The following GSPT1 variants were observed in gnomAD, a reference collection of about 807,000 sequenced individuals.
The protein encoded by GSPT1 is eukaryotic peptide chain release factor GTP-binding subunit ERF3A.
GSPT1 carries 20 observed loss-of-function variants against 72.5 expected under a neutral mutation model. The observed-to-expected ratio is 0.28, with a 90% CI of 0.19 to 0.40. The LOEUF (loss-of-function observed/expected upper bound fraction) is 0.40, where lower values mean the gene tolerates loss of function less well. Among genes scored for constraint, GSPT1 ranks in the 10% least tolerant of loss-of-function variants. GSPT1 has a pLI of 1.00. For synonymous variants in GSPT1, 334 were observed against 293.5 expected, an observed-to-expected ratio of 1.14 and a Z score of -1.41; for missense variants, 580 against 811.9, an observed-to-expected ratio of 0.71 and a Z score of 3.47.
At chr16:11,898,420 C>A (rs1199298091) in intron 1 of GSPT1, among the ~76,000 whole-genome samples, 1 of 151,582 alleles carries the variant, frequency 6.6e-6, no homozygotes, top group East Asian at 1.9e-4. Flanking sequence ...GTAACCCAGC[C>A]CAAGAAAGCT....
chr16:11,916,171 C>G, upstream of GSPT1: 1 of 364,244 alleles, frequency 2.7e-6, no homozygotes, highest in South Asian at 1.9e-5. Context: ...CGACGGGAGT[C>G]GAAGTTCAGG....
intron 3 of GSPT1, 42 bp downstream of exon 3, chr16:11,897,798 A>G: frequency 1.0e-6 from 1 of 956,970 alleles, no homozygotes; most frequent in Non-Finnish European, 1.7e-6. Flanking sequence ...AGAGTGAAAG[A>G]GTTTCATATT....
At chr16:11,880,561 A>G (rs1172763789) in intron 11 of GSPT1, among the ~76,000 whole-genome samples, 1 of 152,224 alleles carries the variant, frequency 6.6e-6, no homozygotes, top group East Asian at 1.9e-4. Context: ...TCAAAACTCA[A>G]GTGATCCTCC....
At chr16:11,910,811 G>C (rs1013836059) in intron 1 of GSPT1, among the ~76,000 whole-genome samples, 1 of 152,192 alleles carries the variant, frequency 6.6e-6, no homozygotes, top group Non-Finnish European at 1.5e-5. Context: ...ACAGCACTAC[G>C]TAATACCTGC....
intron 8 of GSPT1, 76 bp from the exon 9 acceptor site, chr16:11,886,687 A>G: frequency 6.5e-7 from 1 of 1,542,986 alleles, no homozygotes; most frequent in Non-Finnish European, 8.9e-7. Context: ...TAAACAGATT[A>G]AGGTTTAGAA....
chr16:11,915,576 A>C lies in GSPT1; in HGVS notation c.145T>G (p.Ser49Ala). The C allele has an allele frequency of 6.7e-7, 1 of 1,486,702 alleles. No individual in the cohort carries two copies. Among genetic ancestry groups the C allele is most frequent in the African/African-American group, 1.5e-5 (1 of 67,646 alleles). The allele number at this position is 1,486,702 out of a possible 1,614,324, so 92.1% of individuals were successfully genotyped here. Residue 49 changes from serine (S) to alanine (A), a missense_variant, in exon 1 of 15, where the codon TCC becomes GCC. Coordinates refer to ENST00000434724, the MANE Select transcript of GSPT1 (RefSeq NM_002094.4). ...TGGGCCTCGGCCGCCGCCGCCAGGGAGCCGCCGCCGCCGCAAGGGCCCGGC... is the reference window on the plus strand; with the variant it reads ...TGGGCCTCGGCCGCCGCCGCCAGGGCGCCGCCGCCGCCGCAAGGGCCCGGC... ...PGPGPCGGGGSLAAAAEAQRE... is the reference protein window; with the variant it reads ...PGPGPCGGGGALAAAAEAQRE...
At chr16:11,878,397 G>A (rs150454286) in intron 11 of GSPT1, among the ~76,000 whole-genome samples, 4 of 152,192 alleles carry the variant, frequency 2.6e-5, no homozygotes, top group East Asian at 1.9e-4. Context: ...GATTACAGGC[G>A]TGAGCCACTG....
chr16:11,898,476 A>C, intron 1 of GSPT1, among the ~76,000 whole-genome samples: 5 of 109,644 alleles, frequency 4.6e-5, no homozygotes, highest in Non-Finnish European at 7.0e-5. Context: ...ACTGAGTTTC[A>C]CTCTTGTTGC....
At chr16:11,916,142 C>T, upstream of GSPT1, 2 of 378,020 alleles carry the variant, frequency 5.3e-6, no homozygotes, top group Non-Finnish European at 5.1e-6. Flanking sequence ...CGCTACCCCG[C>T]TGCGGTTTTC....
At chr16:11,897,907 T>C (rs2054360080) in intron 2 of GSPT1, 26 bp from the exon 3 acceptor site, 1 of 1,494,528 alleles carries the variant, frequency 6.7e-7, no homozygotes, top group Non-Finnish European at 9.2e-7. Flanking sequence ...AAATATAATA[T>C]ATATTTACCA....
intron 1 of GSPT1, among the ~76,000 whole-genome samples, chr16:11,912,394 G>C (rs1180839927): frequency 1.3e-5 from 2 of 149,768 alleles, no homozygotes; most frequent in Non-Finnish European, 3.0e-5. Context: ...CAATAAATAA[G>C]GCATTCAGCA....
rs1455572398 is a variant in GSPT1, at chr16:11,885,170, A to G, written c.1347+11T>C. On this transcript the variant is annotated intron_variant, in intron 10 of 14. Coordinates refer to ENST00000434724, the MANE Select transcript of GSPT1 (RefSeq NM_002094.4). ...TCCCAGGAAACCCAATTTCTTTAAC[A>G]TTTTGGGTACCTTGTACTTATCCAC... 1 of 1,371,984 alleles carries G rather than the reference A, an allele frequency of 7.3e-7. No individual in the cohort carries two copies. The highest frequency in any genetic ancestry group is 1.0e-6 in the Non-Finnish European group (1 of 960,230). The allele number at this position is 1,371,984 out of a possible 1,614,324, so 85.0% of individuals were successfully genotyped here.
chr16:11,889,302 G>A (rs941061215), intron 6 of GSPT1, among the ~76,000 whole-genome samples: 2 of 148,362 alleles, frequency 1.3e-5, no homozygotes, highest in Non-Finnish European at 3.0e-5. Flanking sequence ...AGCCTAGGTC[G>A]TGCCCGGCAC....
In GSPT1 at chr16:11,896,705, C is replaced by T; in HGVS notation, c.517G>A (p.Gly173Ser). The T allele has an allele frequency of 6.2e-7, 1 of 1,607,514 alleles. No individual in the cohort carries two copies. Among genetic ancestry groups the T allele is most frequent in the Admixed American group, 1.7e-5 (1 of 58,924 alleles). Residue 173 changes from glycine (G) to serine (S), a missense_variant, in exon 4 of 15, where the codon GGT (glycine) becomes AGT (serine). Gly to Ser is a moderately conservative substitution (Grantham distance 56). This residue lies in a region of GSPT1 where 327 missense variants were observed against 298.8 expected (regional missense o/e 1.09). Transcript: ENST00000434724. The part of the protein sequence containing the change: ...EEISEAEPGG[G>S]SLGDGRPPEE... ...GGCGGCCTTCCATCTCCCAAGGAAC[C>T]ACCCCCTGGCTCTGCTTCACTTATT...
At position 11,873,044 on chromosome 16, in the gene GSPT1, A is replaced by C. The variant is rs2053995861; in HGVS notation, c.*75T>G. ...AGAGGTTTATCAATGGGCAGAAAAT[A>C]AGAGAAGGCGGTGTGAAGTAGGCTT... On this transcript the variant is annotated 3_prime_UTR_variant, in exon 15 of 15. Transcript: ENST00000434724. The C allele has an allele frequency of 2.5e-6, 2 of 798,798 alleles. No individual in the cohort carries two copies. Among genetic ancestry groups the C allele is most frequent in the Admixed American group, 4.3e-5 (2 of 46,152 alleles). The allele number at this position is 798,798 out of a possible 1,614,324, so 49.5% of individuals were successfully genotyped here.
At chr16:11,915,298 C>G in intron 1 of GSPT1, 71 bp downstream of exon 1, 1 of 1,335,206 alleles carries the variant, frequency 7.5e-7, no homozygotes, top group Non-Finnish European at 9.6e-7. Context: ...CCGCGCGCCC[C>G]CGGACCGCAC....
intron 1 of GSPT1, among the ~76,000 whole-genome samples, chr16:11,911,761 A>G (rs182102247): frequency 1.1e-4 from 16 of 150,324 alleles, no homozygotes; most frequent in Admixed American, 8.0e-4. Flanking sequence ...CACGTTGGCC[A>G]GGCTGGTCTC....
Position 11,894,981 on chromosome 16 carries a change from C to T in GSPT1, c.671G>A (p.Gly224Asp), listed in dbSNP as rs1485499559. 1.3e-6 allele frequency: 2 copies of T among 1,589,360 alleles called. No homozygotes were observed. The highest frequency in any genetic ancestry group is 1.7e-5 in the Admixed American group (1 of 57,548). ...TATTTGTCCTCCAATGGTTGACTTG[C>T]CAGCATCTAAAAGTAACATCAACAT... is the stretch of plus-strand genomic sequence containing the variant. ...NVVFIGHVDA[G>D]KSTIGGQIMY... is the part of the protein sequence containing the mutation. Residue 224 changes from glycine (G) to aspartate (D), a missense_variant, in exon 5 of 15, where the codon GGC (glycine) becomes GAC (aspartate). Gly to Asp is a moderately conservative substitution (Grantham distance 94). Transcript: ENST00000434724.
chr16:11,879,738 C>CAAA (rs1195456490), intron 11 of GSPT1, among the ~76,000 whole-genome samples: 5 of 84,282 alleles, frequency 5.9e-5, no homozygotes, highest in African/African-American at 1.2e-4. Context: ...GACTCCGTCT[C>CAAA]AAAAAAAAAA....
Sources: gnomAD v4.1 joint callset for allele counts (sites outside exome capture counted in the v4.1 genomes callset) on GRCh38, gnomAD v4.1.1 for gene constraint, gnomAD v4.1.1 regional missense constraint, MANE v1.5 for transcripts, NCBI Gene and HGNC (gene_info 2026-07-23, HGNC 2026-07-21) for gene names.